UTS2B: variants seen among roughly 807,000 people sequenced by gnomAD.
UTS2B encodes the protein urotensin-2B.
A neutral mutation model predicts 19.2 loss-of-function variants in UTS2B; 21 were observed. The ratio of observed to expected loss-of-function variants is 1.09; its 90% CI spans 0.78 to 1.58. The LOEUF is 1.58. UTS2B is among the 40% of genes most tolerant of loss of function. UTS2B has a pLI of 0.00. For missense variants in UTS2B, 138 were observed against 130.3 expected (o/e 1.06, Z -0.29); for synonymous variants, 57 against 50.2 (o/e 1.14, Z -0.58).
chr3:191,287,223 A>T (rs1355779036), intron 4 of UTS2B, among the ~76,000 whole-genome samples: 4 of 152,188 alleles, frequency 2.6e-5, no homozygotes, highest in Non-Finnish European at 5.9e-5. Flanking sequence ...CTTCCAAAAA[A>T]TTTAAGAAGA....
intron 8 of UTS2B, chr3:191,273,563 G>C: frequency 2.2e-6 from 1 of 456,660 alleles, no homozygotes; most frequent in Non-Finnish European, 4.4e-6. Flanking sequence ...TGGATGATAG[G>C]GCTACAGAAT....
chr3:191,290,016 G>A (rs2108583367), intron 4 of UTS2B, among the ~76,000 whole-genome samples: 2 of 152,236 alleles, frequency 1.3e-5, no homozygotes, highest in African/African-American at 4.8e-5. Context: ...ATAACATAAT[G>A]TATACATATT....
chr3:191,313,277 G>A (rs1446434797), intron 3 of UTS2B, among the ~76,000 whole-genome samples: 2 of 152,172 alleles, frequency 1.3e-5, no homozygotes, highest in African/African-American at 2.4e-5. Context: ...TTACAGATGT[G>A]AGCCACAGCA....
chr3:191,292,633 T>C (rs145819785), intron 4 of UTS2B, among the ~76,000 whole-genome samples: 6 of 152,298 alleles, frequency 3.9e-5, no homozygotes, highest in Admixed American at 6.5e-5. Context: ...TCAATTTGGG[T>C]ATCTTTTATT....
intron 4 of UTS2B, among the ~76,000 whole-genome samples, chr3:191,291,025 A>G (rs148928290): frequency 3.3e-5 from 5 of 152,286 alleles, no homozygotes; most frequent in African/African-American, 1.2e-4. Flanking sequence ...GAAGGAAGCA[A>G]AAGTAGAGTT....
intron 3 of UTS2B, among the ~76,000 whole-genome samples, chr3:191,313,452 C>G (rs542048064): frequency 2.0e-5 from 3 of 152,268 alleles, no homozygotes; most frequent in Middle Eastern, 3.4e-3. Flanking sequence ...AAGGAAACAG[C>G]CTAATGATAC....
chr3:191,315,694 T>C (rs1717428810), intron 3 of UTS2B, among the ~76,000 whole-genome samples: 1 of 152,234 alleles, frequency 6.6e-6, no homozygotes, highest in Admixed American at 6.5e-5. Context: ...CTTCAGAACA[T>C]TCGTCTCATG....
chr3:191,282,021 T>C (rs1352388062), intron 5 of UTS2B, 66 bp downstream of exon 5: 1 of 1,180,598 alleles, frequency 8.5e-7, no homozygotes, highest in Middle Eastern at 1.9e-4. Flanking sequence ...AAAAATCAAA[T>C]TTGTTCAAAT....
Position 191,292,118 on chromosome 3 carries a change from TG to T in UTS2B, c.-124-9806del, listed in dbSNP as rs1716737103. ...ATTGTAGGATCAGCTTGCCAATTTC[TG>T]AAAAAAAAAAAAGAGGTTGCAGGAG... On this transcript the variant is annotated intron_variant, in intron 4 of 8. Transcript: ENST00000340524. 3.7e-5 allele frequency among the ~76,000 whole-genome samples: 3 copies of T among 81,202 alleles called. No individual in the cohort carries two copies. In the South Asian group the frequency reaches 1.1e-3, roughly 30 times the overall value. 53.3% of individuals were successfully genotyped at this position (81,202 alleles called of 152,430 possible). A position where few individuals can be genotyped will look rare whatever the true frequency, so the allele number is the denominator to read the frequency against.
At chr3:191,334,164 G>C (rs1718071098), upstream of UTS2B, among the ~76,000 whole-genome samples, 1 of 151,996 alleles carries the variant, frequency 6.6e-6, no homozygotes, top group African/African-American at 2.4e-5. Flanking sequence ...GTTGTGTTGA[G>C]GGTATTTCCA....
intron 2 of UTS2B, among the ~76,000 whole-genome samples, chr3:191,319,340 G>A (rs1216118566): frequency 6.6e-6 from 1 of 152,152 alleles, no homozygotes; most frequent in Non-Finnish European, 1.5e-5. Context: ...GTATTGATAA[G>A]CTATTTCATA....
chr3:191,316,819 A>G (rs554323885), intron 2 of UTS2B, among the ~76,000 whole-genome samples: 1 of 152,228 alleles, frequency 6.6e-6, no homozygotes, highest in Non-Finnish European at 1.5e-5. Flanking sequence ...TGAGCTAGAC[A>G]CAGGGTGCTG....
intron 1 of UTS2B, chr3:191,329,835 C>T (rs1717891436): frequency 9.4e-7 from 1 of 1,065,552 alleles, no homozygotes; most frequent in South Asian, 1.4e-5. Flanking sequence ...CGGTGCCCGC[C>T]CTGCGTTGGC....
At chr3:191,279,671 C>T (rs536137136) in intron 5 of UTS2B, among the ~76,000 whole-genome samples, 5 of 152,060 alleles carry the variant, frequency 3.3e-5, no homozygotes, top group African/African-American at 1.2e-4. Context: ...GATAGATTTG[C>T]CTTTCTTTAT....
chr3:191,317,213 G>A (rs961970782), intron 2 of UTS2B, among the ~76,000 whole-genome samples: 1 of 152,234 alleles, frequency 6.6e-6, no homozygotes, highest in Non-Finnish European at 1.5e-5. Flanking sequence ...TGGGGGACCT[G>A]GTGCACTCTC....
At chr3:191,295,399 T>C (rs67775561) in intron 4 of UTS2B, among the ~76,000 whole-genome samples, 58,911 of 151,788 alleles carry the variant, frequency 0.39, 12,106 homozygotes, top group East Asian at 0.64. Context: ...TTTCTTTTTT[T>C]CTCCTACTTT....
At chr3:191,292,660 T>C (rs1356787090) in intron 4 of UTS2B, among the ~76,000 whole-genome samples, 1 of 152,226 alleles carries the variant, frequency 6.6e-6, no homozygotes, top group Non-Finnish European at 1.5e-5. Flanking sequence ...TCCTACCTAA[T>C]TGTCCTGGTT....
chr3:191,295,169 C>T (rs1483411476), intron 4 of UTS2B, among the ~76,000 whole-genome samples: 1 of 152,010 alleles, frequency 6.6e-6, no homozygotes, highest in East Asian at 1.9e-4. Flanking sequence ...GGCCAAACTT[C>T]CTAAAATAAT....
At chr3:191,345,471 C>G in the UTS2B span, among the ~76,000 whole-genome samples, 1 of 152,168 alleles carries the variant, frequency 6.6e-6, no homozygotes, top group Admixed American at 6.5e-5. Flanking sequence ...CACTCCAGAT[C>G]ATTTGTGCTG....
Sources: gnomAD v4.1 joint callset for allele counts (sites outside exome capture counted in the v4.1 genomes callset) on GRCh38, gnomAD v4.1.1 for gene constraint, MANE v1.5 for transcripts, NCBI Gene and HGNC (gene_info 2026-07-23, HGNC 2026-07-21) for gene names.